NPAS3: variants seen among roughly 807,000 people sequenced by gnomAD.
The protein encoded by NPAS3 is neuronal PAS domain protein 3, also known as neuronal PAS domain-containing protein 3.
Under a neutral mutation model 73.1 loss-of-function variants are expected in NPAS3, and 14 were observed. The ratio of observed to expected loss-of-function variants is 0.19; its 90% CI spans 0.13 to 0.30. The LOEUF (loss-of-function observed/expected upper bound fraction) is 0.30, where lower values mean the gene tolerates loss of function less well. Among genes scored for constraint, NPAS3 ranks in the 10% least tolerant of loss-of-function variants. NPAS3 has a pLI of 1.00. For synonymous variants in NPAS3, 620 were observed against 541.5 expected (o/e 1.14, Z -2.01); for missense variants, 1,096 against 1,250.0 (o/e 0.88, Z 1.86).
intron 6 of NPAS3, among the ~76,000 whole-genome samples, chr14:33,732,061 T>A (rs538197110): frequency 6.6e-6 from 1 of 152,310 alleles, no homozygotes; most frequent in African/African-American, 2.4e-5. Flanking sequence ...ATGAGCTGCC[T>A]CAAAAAGTTG....
intron 6 of NPAS3, among the ~76,000 whole-genome samples, chr14:33,719,210 C>T (rs1227318152): frequency 6.6e-6 from 1 of 152,164 alleles, no homozygotes; most frequent in Non-Finnish European, 1.5e-5. Context: ...CACTGCTGCT[C>T]TCCATATCTG....
At chr14:33,179,264 T>A (rs1032221320) in intron 2 of NPAS3, among the ~76,000 whole-genome samples, 3 of 152,318 alleles carry the variant, frequency 2.0e-5, no homozygotes, top group East Asian at 1.9e-4. Flanking sequence ...ATGCCTCCTT[T>A]GGCAAGGCTT....
intron 4 of NPAS3, among the ~76,000 whole-genome samples, chr14:33,498,935 A>AGAGTGTGT (rs1335110760): frequency 1.8e-4 from 17 of 94,938 alleles, no homozygotes; most frequent in Admixed American, 4.1e-4. Context: ...ACAGAGAGAG[A>AGAGTGTGT]GTGTGTGTGT....
chr14:33,594,794 A>G (rs2057184737), intron 5 of NPAS3, among the ~76,000 whole-genome samples: 1 of 152,222 alleles, frequency 6.6e-6, no homozygotes, highest in South Asian at 2.1e-4. Context: ...TCTGTAAAAT[A>G]TTTTAATCAT....
chr14:33,789,930 C>T (rs924850023), intron 9 of NPAS3, among the ~76,000 whole-genome samples: 1 of 152,128 alleles, frequency 6.6e-6, no homozygotes, highest in Non-Finnish European at 1.5e-5. Context: ...GATGCTTTGA[C>T]ACGATCAGTG....
chr14:33,160,845 C>T (rs1326712737), intron 2 of NPAS3, among the ~76,000 whole-genome samples: 2 of 152,050 alleles, frequency 1.3e-5, no homozygotes, highest in South Asian at 2.1e-4. Context: ...AGCAAGCATT[C>T]TCCCTTTGGG....
At chr14:33,157,064 G>A (rs1434652060) in intron 2 of NPAS3, among the ~76,000 whole-genome samples, 1 of 152,090 alleles carries the variant, frequency 6.6e-6, no homozygotes, top group Admixed American at 6.6e-5. Context: ...TTAGAAAGGG[G>A]AAAAAGAATA....
At chr14:33,145,773 G>T (rs1226845504) in intron 2 of NPAS3, among the ~76,000 whole-genome samples, 1 of 151,952 alleles carries the variant, frequency 6.6e-6, no homozygotes, top group East Asian at 1.9e-4. Context: ...TCAGTTCTTT[G>T]TCTTTGCAAC....
chr14:33,258,782 A>T (rs1053055496), intron 3 of NPAS3, among the ~76,000 whole-genome samples: 8 of 152,062 alleles, frequency 5.3e-5, no homozygotes, highest in African/African-American at 1.9e-4. Context: ...ATGGAGGAAA[A>T]TACTCATTTT....
chr14:33,531,117 A>G (rs377711307), intron 4 of NPAS3, among the ~76,000 whole-genome samples: 16 of 152,092 alleles, frequency 1.1e-4, no homozygotes, highest in East Asian at 7.7e-4. Context: ...GGAAGGTCCA[A>G]GGTCAGCCCC....
intron 5 of NPAS3, among the ~76,000 whole-genome samples, chr14:33,669,909 T>TTTTG (rs1476040181): frequency 2.0e-5 from 3 of 150,332 alleles, no homozygotes; most frequent in African/African-American, 7.5e-5. Context: ...TTTGGGGGTT[T>TTTTG]TTTGTTTGCT....
At chr14:33,221,881 G>T (rs2047444163) in intron 3 of NPAS3, among the ~76,000 whole-genome samples, 1 of 152,010 alleles carries the variant, frequency 6.6e-6, no homozygotes, top group Non-Finnish European at 1.5e-5. Flanking sequence ...CCTATCACAA[G>T]GGTCATGGCT....
chr14:33,544,825 A>ATATTTATATATATATATAAT, intron 4 of NPAS3, among the ~76,000 whole-genome samples: 1 of 112,192 alleles, frequency 8.9e-6, no homozygotes, highest in African/African-American at 4.1e-5. Flanking sequence ...TATATAATAT[A>ATATTTATATATATATATAAT]TATGTGTATA....
chr14:33,027,967 T>A (rs1334664378), intron 1 of NPAS3, among the ~76,000 whole-genome samples: 1 of 152,090 alleles, frequency 6.6e-6, no homozygotes, highest in Non-Finnish European at 1.5e-5. Context: ...AGAAAAAAAA[T>A]CAAATACATG....
chr14:33,275,874 A>AG, intron 3 of NPAS3, among the ~76,000 whole-genome samples: 1 of 152,334 alleles, frequency 6.6e-6, no homozygotes, highest in East Asian at 1.9e-4. Context: ...AAGCCACACA[A>AG]CTATATGTGA....
intron 7 of NPAS3, among the ~76,000 whole-genome samples, chr14:33,748,456 T>G (rs542295485): frequency 6.6e-6 from 1 of 152,228 alleles, no homozygotes; most frequent in East Asian, 1.9e-4. Context: ...GCTCTGGAAG[T>G]ACAGTCAAGA....
chr14:33,493,354 T>C (rs372232091), intron 4 of NPAS3, among the ~76,000 whole-genome samples: 3 of 151,778 alleles, frequency 2.0e-5, no homozygotes, highest in East Asian at 3.9e-4. Flanking sequence ...TCCTAATTTA[T>C]ACTCTTGCCA....
chr14:33,775,797 C>G (rs1302938517), intron 8 of NPAS3, among the ~76,000 whole-genome samples: 1 of 152,174 alleles, frequency 6.6e-6, no homozygotes, highest in Non-Finnish European at 1.5e-5. Context: ...AGGAAACATG[C>G]GTTAGCCAGA....
chr14:33,116,163 A>G (rs1332392555), intron 2 of NPAS3, among the ~76,000 whole-genome samples: 1 of 152,136 alleles, frequency 6.6e-6, no homozygotes, highest in Non-Finnish European at 1.5e-5. Context: ...CAGTGAGAGC[A>G]GTTTCCCAGT....
Sources: gnomAD v4.1 joint callset for allele counts (sites outside exome capture counted in the v4.1 genomes callset) on GRCh38, gnomAD v4.1.1 for gene constraint, MANE v1.5 for transcripts, NCBI Gene and HGNC (gene_info 2026-07-23, HGNC 2026-07-21) for gene names.